The following MTHFD1L variants were observed in gnomAD, a reference collection of about 807,000 sequenced individuals.
MTHFD1L encodes the protein monofunctional C1-tetrahydrofolate synthase, mitochondrial.
In MTHFD1L, 81 loss-of-function variants were observed where a neutral mutation model predicts 119.5. The observed-to-expected ratio is 0.68, with a 90% CI of 0.57 to 0.82. The LOEUF (loss-of-function observed/expected upper bound fraction) is 0.82, where lower values mean the gene tolerates loss of function less well. MTHFD1L is among the 40% of genes least tolerant of loss of function. The pLI is 0.00. For synonymous variants in MTHFD1L, 430 were observed against 475.2 expected (o/e 0.90, Z 1.24); for missense variants, 1,125 against 1,253.4 (o/e 0.90, Z 1.55).
intron 8 of MTHFD1L, 50 bp from the exon 9 acceptor site, chr6:150,918,527 A>G (rs1225052013): frequency 1.6e-6 from 2 of 1,263,260 alleles, no homozygotes; most frequent in South Asian, 1.2e-5. Flanking sequence ...GCAATTGGTT[A>G]GAAATGACAG....
chr6:150,943,755 A>G (rs941819598), intron 13 of MTHFD1L, among the ~76,000 whole-genome samples: 2 of 152,242 alleles, frequency 1.3e-5, no homozygotes, highest in African/African-American at 4.8e-5. Flanking sequence ...TTGTAGGAAG[A>G]TGATTCTACA....
intron 15 of MTHFD1L, 73 bp from the exon 16 acceptor site, chr6:150,948,958 A>G (rs1242037362): frequency 2.5e-6 from 3 of 1,213,626 alleles, no homozygotes; most frequent in Non-Finnish European, 3.6e-6. Context: ...ATAAAATTAG[A>G]GGGATAATTT....
intron 26 of MTHFD1L, among the ~76,000 whole-genome samples, chr6:151,045,091 C>A (rs566976237): frequency 6.6e-6 from 1 of 152,084 alleles, no homozygotes; most frequent in Non-Finnish European, 1.5e-5. Context: ...CCCTTTGTAC[C>A]GGCCCTACTT....
At chr6:150,963,767 G>A (rs1185699073) in intron 18 of MTHFD1L, among the ~76,000 whole-genome samples, 1 of 152,072 alleles carries the variant, frequency 6.6e-6, no homozygotes, top group African/African-American at 2.4e-5. Context: ...CCCCCCTAGA[G>A]CTACCGTTAC....
At chr6:151,060,324 C>T (rs537353642) in intron 26 of MTHFD1L, among the ~76,000 whole-genome samples, 8 of 152,182 alleles carry the variant, frequency 5.3e-5, no homozygotes, top group Admixed American at 2.0e-4. Flanking sequence ...TGTGCAACCA[C>T]GCAAATGCCT....
intron 12 of MTHFD1L, among the ~76,000 whole-genome samples, chr6:150,938,222 T>G (rs1276847026): frequency 6.6e-6 from 1 of 152,106 alleles, no homozygotes; most frequent in Non-Finnish European, 1.5e-5. Context: ...TTCATCATGT[T>G]GGCCAGGCCG....
intron 24 of MTHFD1L, among the ~76,000 whole-genome samples, chr6:151,031,856 T>C (rs1785379161): frequency 6.6e-6 from 1 of 152,224 alleles, no homozygotes; most frequent in South Asian, 2.1e-4. Context: ...TTGGGTTTAT[T>C]TGGAGGCCTG....
intron 26 of MTHFD1L, among the ~76,000 whole-genome samples, chr6:151,043,056 A>T (rs1306402770): frequency 6.6e-6 from 1 of 152,126 alleles, no homozygotes; most frequent in Non-Finnish European, 1.5e-5. Flanking sequence ...CAGCAAAGAA[A>T]GGCCATAAGA....
chr6:150,882,910 C>A, intron 5 of MTHFD1L, 24 bp downstream of exon 5: 2 of 1,553,064 alleles, frequency 1.3e-6, no homozygotes, highest in South Asian at 1.3e-5. Flanking sequence ...ATCAAATAAT[C>A]AACCTTTATG....
intron 19 of MTHFD1L, among the ~76,000 whole-genome samples, chr6:150,968,236 G>A (rs1218836817): frequency 6.6e-6 from 1 of 151,934 alleles, no homozygotes; most frequent in Non-Finnish European, 1.5e-5. Flanking sequence ...CGAGATGACA[G>A]CAAGACCTTT....
At chr6:150,866,298 G>A (rs1778291614) in intron 1 of MTHFD1L, 6 of 1,474,736 alleles carry the variant, frequency 4.1e-6, no homozygotes, top group Non-Finnish European at 5.4e-6. Flanking sequence ...CATCTCCAAT[G>A]GGCGCCTAGC....
At chr6:150,915,900 G>T (rs372216721) in intron 8 of MTHFD1L, among the ~76,000 whole-genome samples, 1 of 152,070 alleles carries the variant, frequency 6.6e-6, no homozygotes, top group Non-Finnish European at 1.5e-5. Flanking sequence ...CACCGCACCC[G>T]GATGCTTTTT....
At chr6:151,005,883 A>C (rs1419440552) in intron 20 of MTHFD1L, among the ~76,000 whole-genome samples, 1 of 152,208 alleles carries the variant, frequency 6.6e-6, no homozygotes, top group Admixed American at 6.5e-5. Context: ...GCCTTTCAGT[A>C]AAACCATTGT....
At chr6:151,003,028 G>A (rs75461534) in intron 20 of MTHFD1L, among the ~76,000 whole-genome samples, 4,183 of 152,214 alleles carry the variant, frequency 0.027, 81 homozygotes, top group South Asian at 0.056. Context: ...AGGCAGAACC[G>A]CCTCCAGTCG....
chr6:150,938,520 CT>C (rs879818404), intron 12 of MTHFD1L, among the ~76,000 whole-genome samples, 178 bp from the exon 13 acceptor site: 45 of 151,736 alleles, frequency 3.0e-4, no homozygotes, highest in Non-Finnish European at 4.9e-4. Context: ...AAAGTGTCAA[CT>C]TTTTTTGTTG....
At position 150,956,033 on chromosome 6, in the gene MTHFD1L, A is replaced by G. The variant is rs144324867; in HGVS notation, c.1765A>G (p.Ile589Val). The stretch of plus-strand genomic sequence containing the variant: ...TGACCGATTTCTACGAAAAATAACC[A>G]TCGGGCAGGGAAACACAGAGAAGGG... ...TNDRFLRKIT[I>V]GQGNTEKGHY... Residue 589 changes from isoleucine (I) to valine (V), a missense_variant, in exon 17 of 28, where the codon ATC (isoleucine) becomes GTC (valine). Transcript: ENST00000367321. The G allele has an allele frequency of 4.8e-4, 780 of 1,614,058 alleles. 5 individuals carry two copies. The African/African-American group carries it at 9.7e-3, about 20-fold the overall frequency.
chr6:151,035,422 T>G (rs1786019352), intron 25 of MTHFD1L, among the ~76,000 whole-genome samples: 1 of 152,236 alleles, frequency 6.6e-6, no homozygotes, highest in Non-Finnish European at 1.5e-5. Flanking sequence ...TTATTCTTTT[T>G]TGTAAACCCA....
chr6:150,991,931 G>T (rs1779115898), intron 20 of MTHFD1L, among the ~76,000 whole-genome samples: 1 of 152,182 alleles, frequency 6.6e-6, no homozygotes, highest in South Asian at 2.1e-4. Flanking sequence ...AATCAAAATA[G>T]TTCGCTAGTT....
chr6:151,099,964 A>G, intron 27 of MTHFD1L: 1 of 935,020 alleles, frequency 1.1e-6, no homozygotes, highest in South Asian at 1.3e-5. Context: ...CTGTTTAAAT[A>G]AATGTAAAAA....
Sources: gnomAD v4.1 joint callset for allele counts (sites outside exome capture counted in the v4.1 genomes callset) on GRCh38, gnomAD v4.1.1 for gene constraint, MANE v1.5 for transcripts, NCBI Gene and HGNC (gene_info 2026-07-23, HGNC 2026-07-21) for gene names.